The following CACNA2D1 variants were observed in gnomAD, a reference collection of about 807,000 sequenced individuals.
CACNA2D1 encodes the protein calcium voltage-gated channel auxiliary subunit alpha2delta 1.
In CACNA2D1, 53 loss-of-function variants were observed where a neutral mutation model predicts 171.5. That is an observed-to-expected ratio of 0.31 (90% CI 0.25 to 0.39). The LOEUF (loss-of-function observed/expected upper bound fraction) is 0.39. Among genes scored for constraint, CACNA2D1 ranks in the 10% least tolerant of loss-of-function variants. The pLI, the probability that CACNA2D1 is intolerant of heterozygous loss-of-function variation, is 1.00. For missense variants in CACNA2D1, 903 were observed against 1,299.8 expected, an observed-to-expected ratio of 0.69 and a Z score of 4.69; for synonymous variants, 442 against 443.1, an observed-to-expected ratio of 1.00 and a Z score of 0.03.
chr7:82,340,533 T>C (rs1818505985), intron 2 of CACNA2D1, among the ~76,000 whole-genome samples: 1 of 152,024 alleles, frequency 6.6e-6, no homozygotes, highest in South Asian at 2.1e-4. Context: ...TTCCTAATAA[T>C]GAAAAATTCT....
chr7:81,955,641 T>C (rs1476705246), intron 38 of CACNA2D1, among the ~76,000 whole-genome samples: 1 of 151,978 alleles, frequency 6.6e-6, no homozygotes, highest in Non-Finnish European at 1.5e-5. Context: ...TAGATTATAC[T>C]TCTACAATTA....
intron 3 of CACNA2D1, among the ~76,000 whole-genome samples, chr7:82,259,395 T>C (rs1368477607): frequency 6.6e-6 from 1 of 152,226 alleles, no homozygotes; most frequent in African/African-American, 2.4e-5. Flanking sequence ...AATATTTTAG[T>C]GTCCTTCTGT....
At chr7:82,087,735 T>A (rs1810646362) in intron 6 of CACNA2D1, among the ~76,000 whole-genome samples, 1 of 152,140 alleles carries the variant, frequency 6.6e-6, no homozygotes, top group Non-Finnish European at 1.5e-5. Flanking sequence ...CAGACTTTTT[T>A]TCTTCTTAAC....
At chr7:81,957,659 G>A (rs1411200694) in intron 38 of CACNA2D1, among the ~76,000 whole-genome samples, 5 of 152,058 alleles carry the variant, frequency 3.3e-5, no homozygotes, top group Admixed American at 3.3e-4. Context: ...TCTCCATCCA[G>A]AGCAGATTCA....
At chr7:82,043,769 T>C (rs1261491583) in intron 10 of CACNA2D1, among the ~76,000 whole-genome samples, 1 of 152,164 alleles carries the variant, frequency 6.6e-6, no homozygotes, top group Non-Finnish European at 1.5e-5. Context: ...TATGTCAGGA[T>C]ACAAACAATG....
At chr7:82,294,872 C>T (rs762710925) in intron 3 of CACNA2D1, among the ~76,000 whole-genome samples, 10 of 152,078 alleles carry the variant, frequency 6.6e-5, no homozygotes, top group Non-Finnish European at 1.5e-4. Flanking sequence ...TTTACTTTTA[C>T]ATGATATATC....
intron 1 of CACNA2D1, among the ~76,000 whole-genome samples, chr7:82,419,936 G>A (rs1343254986): frequency 6.6e-6 from 1 of 152,140 alleles, no homozygotes; most frequent in Non-Finnish European, 1.5e-5. Context: ...ATGACTTGAG[G>A]AGGGATTGCT....
chr7:81,976,433 A>T (rs1208844636), intron 24 of CACNA2D1, among the ~76,000 whole-genome samples: 2 of 152,152 alleles, frequency 1.3e-5, no homozygotes, highest in African/African-American at 4.8e-5. Flanking sequence ...AGTGGTTTGT[A>T]GTTCTCCCTG....
At chr7:82,418,466 AAAG>A (rs1381589513) in intron 1 of CACNA2D1, among the ~76,000 whole-genome samples, 4 of 152,238 alleles carry the variant, frequency 2.6e-5, no homozygotes, top group African/African-American at 9.6e-5. Context: ...GAAAGAAGAA[AAAG>A]AAGCAGAGAT....
At chr7:82,039,249 A>C (rs950631318) in intron 10 of CACNA2D1, among the ~76,000 whole-genome samples, 1 of 142,224 alleles carries the variant, frequency 7.0e-6, no homozygotes, top group African/African-American at 2.6e-5. Flanking sequence ...TCTTGCAAAT[A>C]TAATTCATCA....
intron 1 of CACNA2D1, among the ~76,000 whole-genome samples, chr7:82,433,534 C>A (rs1232800131): frequency 6.6e-6 from 1 of 152,168 alleles, no homozygotes. Context: ...TGCTTTAATT[C>A]TCAAGGCTGT....
intron 9 of CACNA2D1, among the ~76,000 whole-genome samples, chr7:82,063,666 T>C (rs938343600): frequency 1.3e-5 from 2 of 152,076 alleles, no homozygotes; most frequent in African/African-American, 2.4e-5. Context: ...TCCTTGATTA[T>C]TGCTCTTTAA....
chr7:82,420,862 T>C (rs1428033715), intron 1 of CACNA2D1, among the ~76,000 whole-genome samples: 2 of 152,100 alleles, frequency 1.3e-5, no homozygotes, highest in Non-Finnish European at 2.9e-5. Context: ...CACCTTTCTC[T>C]AACATTGGTT....
chr7:82,291,554 TAA>T (rs955801717), intron 3 of CACNA2D1, among the ~76,000 whole-genome samples: 1 of 140,088 alleles, frequency 7.1e-6, no homozygotes, highest in Non-Finnish European at 1.5e-5. Flanking sequence ...TAGATATATA[TAA>T]ATATATATAT....
intron 10 of CACNA2D1, among the ~76,000 whole-genome samples, chr7:82,054,982 T>C (rs889500521): frequency 2.0e-5 from 3 of 152,178 alleles, no homozygotes; most frequent in African/African-American, 7.2e-5. Flanking sequence ...AAGGCCAAAG[T>C]AAGAAAGCCA....
chr7:82,199,879 C>T (rs1226241818), intron 3 of CACNA2D1, among the ~76,000 whole-genome samples: 2 of 151,996 alleles, frequency 1.3e-5, no homozygotes, highest in Admixed American at 6.6e-5. Context: ...TTATGGACTA[C>T]TACTCATCAA....
intron 1 of CACNA2D1, chr7:82,410,595 C>T (rs1384384667): frequency 2.5e-6 from 2 of 813,344 alleles, no homozygotes; most frequent in Non-Finnish European, 3.0e-6. Flanking sequence ...TCCCTCACAC[C>T]TGTCAAGGGA....
chr7:82,384,296 A>C (rs1272896380), intron 1 of CACNA2D1, among the ~76,000 whole-genome samples: 1 of 152,204 alleles, frequency 6.6e-6, no homozygotes, highest in African/African-American at 2.4e-5. Flanking sequence ...TTAGGGTTAG[A>C]TGAGATCATG....
chr7:82,034,473 AT>A (rs1416999086), intron 11 of CACNA2D1, among the ~76,000 whole-genome samples: 1 of 152,084 alleles, frequency 6.6e-6, no homozygotes, highest in African/African-American at 2.4e-5. Flanking sequence ...TTAATCAAAC[AT>A]TGTGAAAGCA....
Sources: allele counts gnomAD v4.1 joint callset (sites outside exome capture counted in the v4.1 genomes callset), GRCh38; gene constraint gnomAD v4.1.1; transcripts MANE v1.5; gene names NCBI Gene and HGNC (gene_info 2026-07-23, HGNC 2026-07-21).